The following ZEB1 variants were observed in gnomAD, a reference collection of about 807,000 sequenced individuals.
ZEB1 encodes zinc finger E-box-binding homeobox 1.
A neutral mutation model predicts 84.9 loss-of-function variants in ZEB1; 21 were observed. The observed-to-expected ratio is 0.25, with a 90% CI of 0.18 to 0.36. The LOEUF (loss-of-function observed/expected upper bound fraction) is 0.36. ZEB1 is among the 10% of genes least tolerant of loss of function. The pLI is 1.00. For synonymous variants in ZEB1, 420 were observed against 471.1 expected (o/e 0.89, Z 1.41); for missense variants, 1,104 against 1,330.2 (o/e 0.83, Z 2.65).
intron 1 of ZEB1, among the ~76,000 whole-genome samples, chr10:31,332,187 A>G (rs1399041835): frequency 6.6e-6 from 1 of 152,144 alleles, no homozygotes; most frequent in Non-Finnish European, 1.5e-5. Flanking sequence ...TTCTACCACC[A>G]CCATAAATTA....
intron 1 of ZEB1, among the ~76,000 whole-genome samples, chr10:31,460,096 A>T (rs1416667688): frequency 6.6e-6 from 1 of 152,012 alleles, no homozygotes; most frequent in Admixed American, 6.6e-5. Flanking sequence ...TCTAGTGACC[A>T]TACCCAATGA....
chr10:31,474,362 A>C (rs2063746699), intron 2 of ZEB1, among the ~76,000 whole-genome samples: 1 of 151,920 alleles, frequency 6.6e-6, no homozygotes, highest in Admixed American at 6.5e-5. Flanking sequence ...ACAAATTTAC[A>C]AGAAAAAAAC....
intron 1 of ZEB1, among the ~76,000 whole-genome samples, chr10:31,336,466 A>G (rs1191940095): frequency 6.6e-6 from 1 of 152,196 alleles, no homozygotes; most frequent in African/African-American, 2.4e-5. Context: ...CTTTATAAAG[A>G]TGATAGGCTA....
intron 2 of ZEB1, among the ~76,000 whole-genome samples, chr10:31,486,207 T>TG (rs954990406): frequency 2.6e-5 from 4 of 151,782 alleles, no homozygotes; most frequent in Non-Finnish European, 5.9e-5. Flanking sequence ...ATACAGGTTT[T>TG]GGGGGGTGAA....
chr10:31,510,459 C>A (rs1234779501), intron 4 of ZEB1, among the ~76,000 whole-genome samples: 1 of 152,184 alleles, frequency 6.6e-6, no homozygotes, highest in Non-Finnish European at 1.5e-5. Flanking sequence ...TCATCATTTT[C>A]TGGCTCTGTG....
At chr10:31,411,372 C>CTGTA (rs2054214579) in intron 1 of ZEB1, among the ~76,000 whole-genome samples, 2 of 152,186 alleles carry the variant, frequency 1.3e-5, no homozygotes, top group Admixed American at 1.3e-4. Flanking sequence ...CAGCTCACGC[C>CTGTA]TGTAATCCCA....
intron 1 of ZEB1, among the ~76,000 whole-genome samples, chr10:31,408,434 C>T (rs1025639396): frequency 2.7e-4 from 41 of 151,970 alleles, no homozygotes; most frequent in African/African-American, 9.9e-4. Flanking sequence ...CCTGCATCGC[C>T]AAGTCAATCC....
intron 1 of ZEB1, among the ~76,000 whole-genome samples, chr10:31,400,102 G>C (rs1484609112): frequency 6.6e-6 from 1 of 151,962 alleles, no homozygotes; most frequent in African/African-American, 2.4e-5. Context: ...TTCTTTTCTT[G>C]AAGACCTGTT....
chr10:31,318,904 C>A (rs938565670), upstream of ZEB1: 1 of 406,804 alleles, frequency 2.5e-6, no homozygotes, highest in Non-Finnish European at 4.7e-6. Flanking sequence ...ACCTTTCCAA[C>A]TCCGACAGCC....
chr10:31,391,425 T>C (rs1280450868), intron 1 of ZEB1, among the ~76,000 whole-genome samples: 4 of 151,986 alleles, frequency 2.6e-5, no homozygotes, highest in East Asian at 1.9e-4. Context: ...GAGTTGGTGG[T>C]GATGGTGGAG....
At chr10:31,366,118 TC>T (rs1363341775) in intron 1 of ZEB1, among the ~76,000 whole-genome samples, 1 of 152,136 alleles carries the variant, frequency 6.6e-6, no homozygotes, top group Non-Finnish European at 1.5e-5. Context: ...CTACCTTTGC[TC>T]CCACAGGTTA....
chr10:31,479,174 C>T (rs573833647), intron 2 of ZEB1, among the ~76,000 whole-genome samples: 1 of 151,788 alleles, frequency 6.6e-6, no homozygotes, highest in South Asian at 2.1e-4. Context: ...AAACGTACAA[C>T]CTACCAAGAT....
At chr10:31,451,446 G>A (rs965908902) in intron 1 of ZEB1, among the ~76,000 whole-genome samples, 5 of 151,874 alleles carry the variant, frequency 3.3e-5, no homozygotes, top group South Asian at 2.1e-4. Context: ...AGTACTTTCC[G>A]CATTTGTATT....
In ZEB1 at chr10:31,325,480, A is replaced by G. The variant is rs532816047; in HGVS notation, c.58+6188A>G. Among the ~76,000 whole-genome samples, 7 of 152,176 alleles carry G rather than the reference A, an allele frequency of 4.6e-5. No homozygotes were observed. The South Asian group carries it at 8.3e-4, about 18-fold the overall frequency. The stretch of plus-strand genomic sequence containing the variant: ...ATATGCACATTTCTCCTCCTAATCA[A>G]CATTATGTATTTATTGAGACTTGGT... On this transcript the variant is annotated intron_variant, in intron 1 of 8. Transcript: ENST00000424869.
At chr10:31,465,223 G>A (rs2062256406) in intron 2 of ZEB1, among the ~76,000 whole-genome samples, 1 of 151,898 alleles carries the variant, frequency 6.6e-6, no homozygotes, top group African/African-American at 2.4e-5. Context: ...TTAAAATATA[G>A]CTACAATAAT....
chr10:31,364,706 A>T (rs1286177934), intron 1 of ZEB1, among the ~76,000 whole-genome samples: 3 of 152,166 alleles, frequency 2.0e-5, no homozygotes, highest in African/African-American at 7.2e-5. Flanking sequence ...TTTGCCTGAG[A>T]CCATTCCTCA....
intron 3 of ZEB1, among the ~76,000 whole-genome samples, chr10:31,501,471 AAG>A (rs1384318879): frequency 6.6e-6 from 1 of 152,230 alleles, no homozygotes; most frequent in Admixed American, 6.5e-5. Context: ...GTAGCTAAGA[AAG>A]AGTTTTCATA....
At chr10:31,495,482 A>G (rs964068463) in intron 2 of ZEB1, among the ~76,000 whole-genome samples, 3 of 152,084 alleles carry the variant, frequency 2.0e-5, no homozygotes, top group Non-Finnish European at 4.4e-5. Context: ...TTTCAAGGAC[A>G]CATTACCATA....
intron 2 of ZEB1, among the ~76,000 whole-genome samples, chr10:31,469,195 AAATT>A (rs2062834053): frequency 6.6e-6 from 1 of 152,234 alleles, no homozygotes; most frequent in Non-Finnish European, 1.5e-5. Context: ...CTAGTCTTTC[AAATT>A]AACCCAATCA....
Sources: gnomAD v4.1 joint callset for allele counts (sites outside exome capture counted in the v4.1 genomes callset) on GRCh38, gnomAD v4.1.1 for gene constraint, MANE v1.5 for transcripts, NCBI Gene and HGNC (gene_info 2026-07-23, HGNC 2026-07-21) for gene names.